Variants in ROBO2 observed in about 807,000 individuals in gnomAD.
The protein encoded by ROBO2 is roundabout guidance receptor 2.
Under a neutral mutation model 160.8 loss-of-function variants are expected in ROBO2, and 53 were observed. The observed-to-expected ratio is 0.33, with a 90% CI of 0.26 to 0.41. ROBO2 has a LOEUF of 0.41. Among genes scored for constraint, ROBO2 ranks in the 10% least tolerant of loss-of-function variants. The pLI, the probability that ROBO2 is intolerant of heterozygous loss-of-function variation, is 1.00. For missense variants in ROBO2, 1,577 were observed against 1,722.4 expected, an observed-to-expected ratio of 0.92 and a Z score of 1.49; for synonymous variants, 664 against 611.7, an observed-to-expected ratio of 1.09 and a Z score of -1.26.
chr3:76,388,379 C>T (rs1187241414), intron 2 of ROBO2, among the ~76,000 whole-genome samples: 1 of 151,760 alleles, frequency 6.6e-6, no homozygotes, highest in East Asian at 1.9e-4. Context: ...TCACGCCATT[C>T]TCCTGCCTCA....
chr3:76,011,519 C>T (rs541528487), intron 2 of ROBO2, among the ~76,000 whole-genome samples: 11 of 152,262 alleles, frequency 7.2e-5, no homozygotes, highest in Admixed American at 5.2e-4. Flanking sequence ...TTTCTTTATA[C>T]GAGACCTCGC....
chr3:77,637,929 T>C (rs1639760592), intron 24 of ROBO2, among the ~76,000 whole-genome samples: 1 of 152,206 alleles, frequency 6.6e-6, no homozygotes, highest in South Asian at 2.1e-4. Flanking sequence ...TAAATGTTTC[T>C]AAATTTTCAA....
intron 2 of ROBO2, among the ~76,000 whole-genome samples, chr3:77,168,577 A>G (rs974971333): frequency 6.6e-6 from 1 of 152,136 alleles, no homozygotes; most frequent in African/African-American, 2.4e-5. Context: ...ATATTCTATT[A>G]GTTGTAATTA....
chr3:76,830,878 A>G (rs533065588), intron 2 of ROBO2, among the ~76,000 whole-genome samples: 32 of 151,986 alleles, frequency 2.1e-4, no homozygotes, highest in African/African-American at 7.2e-4. Flanking sequence ...AGTCCCAGCA[A>G]TTCAAGAGGC....
intron 2 of ROBO2, among the ~76,000 whole-genome samples, chr3:76,558,641 A>G (rs1379643526): frequency 2.6e-5 from 4 of 152,088 alleles, no homozygotes; most frequent in South Asian, 2.1e-4. Flanking sequence ...TAGATGTTGT[A>G]CAGAATGGGC....
intron 2 of ROBO2, among the ~76,000 whole-genome samples, chr3:76,839,980 A>T (rs1305944855): frequency 6.6e-6 from 1 of 152,132 alleles, no homozygotes; most frequent in African/African-American, 2.4e-5. Context: ...ACCTCTACTA[A>T]TCCTTTAAAT....
At chr3:77,046,383 T>G (rs2064673063) in intron 1 of ROBO2, among the ~76,000 whole-genome samples, 1 of 152,226 alleles carries the variant, frequency 6.6e-6, no homozygotes, top group South Asian at 2.1e-4. Context: ...GTCTTCTAAG[T>G]CTTCCTCAGT....
At chr3:76,024,107 T>G (rs1380096389) in intron 2 of ROBO2, among the ~76,000 whole-genome samples, 4 of 151,550 alleles carry the variant, frequency 2.6e-5, no homozygotes. Flanking sequence ...AAACAATGGT[T>G]GCTTAAATGA....
intron 2 of ROBO2, among the ~76,000 whole-genome samples, chr3:76,464,006 A>G (rs1241365917): frequency 6.6e-6 from 1 of 152,148 alleles, no homozygotes; most frequent in Non-Finnish European, 1.5e-5. Flanking sequence ...ACAGAGGAGG[A>G]GAGAAGGAGA....
At chr3:77,595,870 CAAAAG>C (rs2153688069) in intron 18 of ROBO2, among the ~76,000 whole-genome samples, 1 of 151,986 alleles carries the variant, frequency 6.6e-6, no homozygotes, top group South Asian at 2.1e-4. Flanking sequence ...AGGGGTCTAT[CAAAAG>C]AAAAGTGCAA....
intron 2 of ROBO2, among the ~76,000 whole-genome samples, chr3:76,981,834 G>C (rs1190257393): frequency 6.6e-6 from 1 of 152,166 alleles, no homozygotes; most frequent in Non-Finnish European, 1.5e-5. Context: ...CAAAAACAGG[G>C]GCAAGAGAGA....
intron 2 of ROBO2, among the ~76,000 whole-genome samples, chr3:76,174,660 A>G (rs967822425): frequency 4.6e-5 from 7 of 152,130 alleles, no homozygotes; most frequent in Non-Finnish European, 1.0e-4. Flanking sequence ...TTTGTCAAAG[A>G]TCAGATGGTT....
At chr3:75,998,064 T>C (rs1168183397) in intron 2 of ROBO2, among the ~76,000 whole-genome samples, 1 of 152,192 alleles carries the variant, frequency 6.6e-6, no homozygotes, top group African/African-American at 2.4e-5. Flanking sequence ...AAACTAATTC[T>C]TTAGATTATA....
chr3:77,086,106 A>G (rs2069269490), intron 1 of ROBO2, among the ~76,000 whole-genome samples: 1 of 152,096 alleles, frequency 6.6e-6, no homozygotes, highest in South Asian at 2.1e-4. Flanking sequence ...GTTTAGAGGG[A>G]CACAGAGTTA....
intron 2 of ROBO2, among the ~76,000 whole-genome samples, chr3:76,446,792 A>G (rs145159729): frequency 0.27 from 41,186 of 152,146 alleles, 6,986 homozygotes; most frequent in East Asian, 0.43. Flanking sequence ...CAATGGGGAA[A>G]GGATTCCCTA....
At chr3:76,450,285 T>C (rs1204970225) in intron 2 of ROBO2, among the ~76,000 whole-genome samples, 1 of 152,158 alleles carries the variant, frequency 6.6e-6, no homozygotes, top group African/African-American at 2.4e-5. Context: ...TTTCAGGAAA[T>C]TGTGATGTTT....
intron 2 of ROBO2, among the ~76,000 whole-genome samples, chr3:76,676,121 T>C (rs1254730825): frequency 6.6e-6 from 1 of 152,144 alleles, no homozygotes; most frequent in Non-Finnish European, 1.5e-5. Flanking sequence ...ACAAGTGATA[T>C]GGTTTGGCCA....
At chr3:77,370,489 T>C (rs2071580532) in intron 2 of ROBO2, among the ~76,000 whole-genome samples, 1 of 152,168 alleles carries the variant, frequency 6.6e-6, no homozygotes, top group African/African-American at 2.4e-5. Context: ...CTGCAGCTTT[T>C]TGCTGCCTCC....
At chr3:76,421,158 C>T (rs1170050293) in intron 2 of ROBO2, among the ~76,000 whole-genome samples, 2 of 151,832 alleles carry the variant, frequency 1.3e-5, no homozygotes, top group Non-Finnish European at 2.9e-5. Flanking sequence ...ACAAATCAAA[C>T]ATCTATTTTA....
Sources: gnomAD v4.1 joint callset for allele counts (sites outside exome capture counted in the v4.1 genomes callset) on GRCh38, gnomAD v4.1.1 for gene constraint, MANE v1.5 for transcripts, NCBI Gene and HGNC (gene_info 2026-07-23, HGNC 2026-07-21) for gene names.